The following CENPT variants were observed in gnomAD, a reference collection of about 807,000 sequenced individuals.
CENPT encodes the protein interphase centromere complex protein 22.
Under a neutral mutation model 59.7 loss-of-function variants are expected in CENPT, and 42 were observed. The observed-to-expected ratio is 0.70, with a 90% CI of 0.55 to 0.91. The LOEUF (loss-of-function observed/expected upper bound fraction) is 0.91. CENPT is among the 40% of genes least tolerant of loss of function. The pLI is 0.00. For synonymous variants in CENPT, 295 were observed against 289.6 expected (o/e 1.02, Z -0.19); for missense variants, 716 against 713.4 (o/e 1.00, Z -0.04).
chr16:67,831,098 G>T, intron 10 of CENPT, 118 bp downstream of exon 10: 1 of 1,343,820 alleles, frequency 7.4e-7, no homozygotes, highest in South Asian at 1.2e-5. Context: ...ACTGACCAGA[G>T]TTGCTCGCTG....
chr16:67,845,488 G>A (rs2057791491), intron 1 of CENPT, among the ~76,000 whole-genome samples: 1 of 152,208 alleles, frequency 6.6e-6, no homozygotes, highest in African/African-American at 2.4e-5. Flanking sequence ...ATCAGGTGGT[G>A]GAAGCACTGC....
chr16:67,838,955 A>C (rs904227011), intron 1 of CENPT, among the ~76,000 whole-genome samples: 1 of 151,396 alleles, frequency 6.6e-6, no homozygotes, highest in Non-Finnish European at 1.5e-5. Flanking sequence ...AAAAAAATTT[A>C]AGCATGTAAT....
chr16:67,828,942 G>A, intron 13 of CENPT, 99 bp from the exon 14 acceptor site: 1 of 1,334,384 alleles, frequency 7.5e-7, no homozygotes, highest in Non-Finnish European at 1.0e-6. Context: ...GGGACCACGT[G>A]GCCCTTGGCC....
chr16:67,829,662 C>A, intron 12 of CENPT, 103 bp downstream of exon 12: 1 of 1,385,574 alleles, frequency 7.2e-7, no homozygotes, highest in South Asian at 1.3e-5. Context: ...CCCTGACCCC[C>A]TACCACCACC....
At chr16:67,831,732 A>G (rs776816049) in intron 8 of CENPT, 22 bp downstream of exon 8, 2 of 1,582,496 alleles carry the variant, frequency 1.3e-6, no homozygotes, top group African/African-American at 2.7e-5. Flanking sequence ...GAGGGTAGCA[A>G]AAGTGGTGTC....
intron 1 of CENPT, among the ~76,000 whole-genome samples, chr16:67,836,773 A>G (rs749879391): frequency 6.6e-6 from 1 of 151,302 alleles, no homozygotes; most frequent in Non-Finnish European, 1.5e-5. Context: ...GGGTTTCTCC[A>G]TGTTGGTCAG....
At chr16:67,828,630 G>A in intron 14 of CENPT, 37 bp downstream of exon 14, 2 of 1,613,918 alleles carry the variant, frequency 1.2e-6, no homozygotes, top group Non-Finnish European at 1.7e-6. Context: ...CATGACCCGA[G>A]GGGTTCCTCT....
chr16:67,836,987 C>G (rs1459115535), intron 1 of CENPT, among the ~76,000 whole-genome samples: 2 of 151,978 alleles, frequency 1.3e-5, no homozygotes, highest in Non-Finnish European at 2.9e-5. Flanking sequence ...GTGATCTGCC[C>G]GCCTCGGCCT....
chr16:67,833,642 T>C (rs796559812), intron 4 of CENPT, 108 bp downstream of exon 4: 2 of 645,722 alleles, frequency 3.1e-6, no homozygotes, highest in East Asian at 3.4e-5. Flanking sequence ...CCTGCTCCTC[T>C]CTGAGACTCA....
intron 1 of CENPT, among the ~76,000 whole-genome samples, chr16:67,844,347 T>C (rs1175598049): frequency 6.6e-6 from 1 of 152,178 alleles, no homozygotes; most frequent in Non-Finnish European, 1.5e-5. Context: ...CCTAAGCACA[T>C]GGATCCTGGC....
At chr16:67,841,039 A>G (rs1253254184) in intron 1 of CENPT, among the ~76,000 whole-genome samples, 1 of 90,534 alleles carries the variant, frequency 1.1e-5, no homozygotes, top group African/African-American at 4.3e-5. Context: ...ATATATATAT[A>G]TATATATTAG....
chr16:67,845,792 G>A (rs1056452035), intron 1 of CENPT, among the ~76,000 whole-genome samples: 1 of 152,242 alleles, frequency 6.6e-6, no homozygotes, highest in Non-Finnish European at 1.5e-5. Context: ...GTTCTCACTA[G>A]CTGAGTAATA....
Position 67,843,655 on chromosome 16 carries a change from T to C in CENPT, c.-492+3746A>G. 4 of 727,150 alleles carry C rather than the reference T, an allele frequency of 5.5e-6. No individual in the cohort carries two copies. Among genetic ancestry groups the C allele is most frequent in the Non-Finnish European group, 8.9e-6 (4 of 447,936 alleles). 45.0% of individuals were successfully genotyped at this position (727,150 alleles called of 1,614,324 possible). On this transcript the variant is annotated intron_variant, in intron 1 of 15. Transcript: ENST00000562787. This position sits in a 1 kb window ranked among gnomAD's most constrained non-coding sequence, Gnocchi z 5.7. ...GCTGGTGACCTGGCATCCTCAATTG[T>C]TTCCTCCTGAAGTGGAAGCTGGGGC...
Position 67,842,991 on chromosome 16 carries a change from A to C in CENPT, c.-492+4410T>G, listed in dbSNP as rs2057775639. 1.2e-5 allele frequency: 19 copies of C among 1,612,398 alleles called. No homozygotes were observed. The Middle Eastern group carries it at 2.5e-3, about 209-fold the overall frequency. ...TCCACTGCCCAGACTGCCCAGCTGCAGCCGAACCTGGTATCTGCTTCCGCG... is the reference window on the plus strand; with the variant it reads ...TCCACTGCCCAGACTGCCCAGCTGCCGCCGAACCTGGTATCTGCTTCCGCG... On this transcript the variant is annotated intron_variant, in intron 1 of 15. Coordinates refer to ENST00000562787, the MANE Select transcript of CENPT (RefSeq NM_025082.4). The surrounding 1 kb of genome is among the most constrained non-coding windows in gnomAD (Gnocchi z 4.9).
rs141426359 is a variant in CENPT at position 67,845,200 on chromosome 16, C to G, written c.-492+2201G>C. 5.9e-3 allele frequency among the ~76,000 whole-genome samples: 896 copies of G among 152,278 alleles called. 1 individual carries two copies. The highest frequency in any genetic ancestry group is 7.7e-3 in the Non-Finnish European group (523 of 68,024). On this transcript the variant is annotated intron_variant, in intron 1 of 15. Coordinates refer to ENST00000562787, the MANE Select transcript of CENPT (RefSeq NM_025082.4). ...TCTAAAAGTAAATGCCTTTAAAGCT[C>G]TGGGTTTACTGTGGGTGGTGGGGCA...
In CENPT at chr16:67,842,826, C is replaced by A; in HGVS notation, c.-492+4575G>T. 2 of 1,609,990 alleles carry A rather than the reference C, an allele frequency of 1.2e-6. No individual in the cohort carries two copies. Among genetic ancestry groups the A allele is most frequent in the East Asian group, 2.2e-5 (1 of 44,774 alleles). ...CGCGGCGTCAATGAGCGCAAAGTAG[C>A]GCGCAGACCCGCTGGGGCCGCGGCC... is the stretch of plus-strand genomic sequence containing the variant. On this transcript the variant is annotated intron_variant, in intron 1 of 15. Transcript: ENST00000562787. The surrounding 1 kb of genome is among the most constrained non-coding windows in gnomAD (Gnocchi z 4.9).
chr16:67,842,920 ACAGCAGCAG>A lies in CENPT; in HGVS notation c.-492+4472_-492+4480del, dbSNP rs377516180. ...AGCAGCAACAGCAGCAGCAGCAGCA[ACAGCAGCAG>A]CAGCAGCAGCAGCAGCAGCAGTCCT... On this transcript the variant is annotated intron_variant, in intron 1 of 15. Transcript: ENST00000562787. This position sits in a 1 kb window ranked among gnomAD's most constrained non-coding sequence, Gnocchi z 4.9. The A allele has an allele frequency of 9.7e-4, 1,538 of 1,579,926 alleles. 5 individuals carry two copies. The highest frequency in any genetic ancestry group is 6.1e-3 in the East Asian group (270 of 43,930).
Position 67,829,504 on chromosome 16 carries a change from G to A in CENPT, c.1199C>T (p.Ser400Leu), listed in dbSNP as rs551110309. The A allele has an allele frequency of 2.1e-5, 34 of 1,595,326 alleles. No individual in the cohort carries two copies. In the Admixed American group the frequency reaches 2.8e-4, roughly 13 times the overall value. ...GAGAGACTCAGGGGTGCTGGAGGCC[G>A]ACTCTGGACTTGCTACAAAGAAGAA... ...DASGRAASPE[S>L]ASSTPESLQA... is the part of the protein sequence containing the mutation. The change falls in exon 13 of 16, where the codon TCG (serine) becomes TTG (leucine). Residue 400 changes from serine to leucine, a missense_variant. Ser to Leu is a moderately radical substitution (Grantham distance 145). Transcript: ENST00000562787.
At chr16:67,832,360 G>A (rs777688046) in intron 5 of CENPT, 45 bp from the exon 6 acceptor site, 5 of 1,611,130 alleles carry the variant, frequency 3.1e-6, no homozygotes, top group Non-Finnish European at 4.2e-6. Flanking sequence ...TCTGCCTTGA[G>A]ATTTCCTCAA....
Sources: gnomAD v4.1 joint callset for allele counts (sites outside exome capture counted in the v4.1 genomes callset) on GRCh38, gnomAD v4.1.1 for gene constraint, Gnocchi (gnomAD v3.1) non-coding constraint, MANE v1.5 for transcripts, NCBI Gene and HGNC (gene_info 2026-07-23, HGNC 2026-07-21) for gene names.